The following HTR1D variants were observed in gnomAD, a reference collection of about 807,000 sequenced individuals.
HTR1D encodes 5-HT-1D.
Under a neutral mutation model 21.1 loss-of-function variants are expected in HTR1D, and 18 were observed. That is an observed-to-expected ratio of 0.85 (90% CI 0.59 to 1.27). The LOEUF is 1.27. Among genes scored for constraint, HTR1D ranks in the 50% most tolerant of loss-of-function variants. The pLI is 0.00. For synonymous variants in HTR1D, 196 were observed against 204.4 expected (o/e 0.96, Z 0.35); for missense variants, 456 against 481.4 (o/e 0.95, Z 0.49).
Position 23,193,552 on chromosome 1 carries a change from GC to G in HTR1D, c.667del (p.Ala223LeufsTer7), listed in dbSNP as rs1644670429. 2 of 1,613,952 alleles carry G rather than the reference GC, an allele frequency of 1.2e-6. No homozygotes were observed. The highest frequency in any genetic ancestry group is 2.7e-5 in the African/African-American group (2 of 74,948). On this transcript the variant is annotated frameshift_variant, in exon 2 of 2. Coordinates refer to ENST00000374619, the MANE Select transcript of HTR1D (RefSeq NM_000864.5). LOFTEE classifies it high-confidence loss of function. Reference sequence around the variant, plus strand: ...TGGATTCAGGATGCGGTTCCGGGCAGCCCGGTAGATCCGGCCATATAGGATG... The same window carrying G: ...TGGATTCAGGATGCGGTTCCGGGCAGCCGGTAGATCCGGCCATATAGGATG... The part of the protein sequence containing the change: ...LIILYGRIYR[A>X]ARNRILNPPS...
Position 23,217,248 on chromosome 1 carries a change from C to T in HTR1D, c.-783+43G>A, listed in dbSNP as rs1031816609. 2.0e-5 allele frequency among the ~76,000 whole-genome samples: 3 copies of T among 151,814 alleles called. No individual in the cohort carries two copies. The South Asian group carries it at 6.2e-4, about 31-fold the overall frequency. On this transcript the variant is annotated intron_variant, in intron 1 of 1. Transcript: ENST00000374619. The surrounding 1 kb of genome is among the most constrained non-coding windows in gnomAD (Gnocchi z 4.6). ...GCTCCCGGCCTCAGTTCCCCGCGGA[C>T]GGCCGCTGGGGCCAGGCTGCAGACG... is the stretch of plus-strand genomic sequence containing the variant.
At chr1:23,211,312 G>A (rs151277105) in intron 1 of HTR1D, among the ~76,000 whole-genome samples, 1 of 152,162 alleles carries the variant, frequency 6.6e-6, no homozygotes, top group African/African-American at 2.4e-5. Flanking sequence ...CTGGGGAAAT[G>A]ATCCTGCAAT....
At position 23,204,250 on chromosome 1, in the gene HTR1D, C is replaced by T. The variant is rs377667137; in HGVS notation, c.-782-9249G>A. 1.2e-3 allele frequency among the ~76,000 whole-genome samples: 178 copies of T among 152,220 alleles called. 2 individuals carry two copies. The highest frequency in any genetic ancestry group is 4.0e-3 in the African/African-American group (168 of 41,540). On this transcript the variant is annotated intron_variant, in intron 1 of 1. Transcript: ENST00000374619. ...ACGCCATTCTCCTGCCTCAGCCTCC[C>T]GAGTAGCTGGGACTACAGGCACTGG...
At chr1:23,212,497 G>C (rs75239278) in intron 1 of HTR1D, among the ~76,000 whole-genome samples, 20,106 of 152,096 alleles carry the variant, frequency 0.13, 1,654 homozygotes, top group South Asian at 0.32. Flanking sequence ...GCCTCTCTCT[G>C]TGCCAACACA....
At chr1:23,202,979 A>G (rs184798777) in intron 1 of HTR1D, among the ~76,000 whole-genome samples, 1 of 152,038 alleles carries the variant, frequency 6.6e-6, no homozygotes, top group African/African-American at 2.4e-5. Context: ...CAGTGGGGCA[A>G]TCTCGGCTCA....
chr1:23,195,504 T>A (rs188693233), intron 1 of HTR1D, among the ~76,000 whole-genome samples: 22 of 151,976 alleles, frequency 1.4e-4, no homozygotes, highest in Admixed American at 4.6e-4. Flanking sequence ...AGTGACGCAA[T>A]CTCGGCTCAC....
At chr1:23,205,328 G>A (rs947334716) in intron 1 of HTR1D, among the ~76,000 whole-genome samples, 6 of 151,968 alleles carry the variant, frequency 3.9e-5, no homozygotes, top group South Asian at 2.1e-4. Flanking sequence ...AAAATCTGAC[G>A]AATCACCTCT....
intron 1 of HTR1D, among the ~76,000 whole-genome samples, chr1:23,210,822 A>C (rs1290346153): frequency 6.6e-6 from 1 of 152,018 alleles, no homozygotes; most frequent in African/African-American, 2.4e-5. Context: ...TTAGAACTGC[A>C]TCCCCCCTAT....
In HTR1D at chr1:23,194,310, T is replaced by TGGGA; in HGVS notation, c.-92_-91insTCCC. 8.3e-7 allele frequency: 1 copy of TGGGA among 1,199,558 alleles called. No homozygotes were observed. The highest frequency in any genetic ancestry group is 1.2e-6 in the Non-Finnish European group (1 of 839,338). 74.3% of individuals were successfully genotyped at this position (1,199,558 alleles called of 1,614,324 possible). ...CAACAGAGCAAAGTCATCCTTCTGC[T>TGGGA]TCACACTGGTGGGAGCCGTACACCA... On this transcript the variant is annotated 5_prime_UTR_variant, in exon 2 of 2. Transcript: ENST00000374619.
At chr1:23,201,951 G>A (rs183521910) in intron 1 of HTR1D, among the ~76,000 whole-genome samples, 19 of 152,300 alleles carry the variant, frequency 1.2e-4, no homozygotes, top group East Asian at 3.9e-4. Context: ...TGTAAATTGG[G>A]ATAATGACAT....
intron 1 of HTR1D, among the ~76,000 whole-genome samples, chr1:23,215,005 A>G (rs1489820312): frequency 1.3e-5 from 2 of 152,186 alleles, no homozygotes; most frequent in African/African-American, 2.4e-5. Context: ...AGAAAGGAGA[A>G]TGAAGCCGCA....
chr1:23,199,918 C>T (rs1015855346), intron 1 of HTR1D, among the ~76,000 whole-genome samples: 2 of 152,010 alleles, frequency 1.3e-5, no homozygotes, highest in Admixed American at 6.6e-5. Context: ...GTTGGCCAGG[C>T]TGGTGTTGAG....
intron 1 of HTR1D, among the ~76,000 whole-genome samples, chr1:23,207,784 C>T (rs897675869): frequency 3.4e-5 from 4 of 118,656 alleles, no homozygotes; most frequent in Non-Finnish European, 3.4e-5. Flanking sequence ...TTTTTTGAGG[C>T]GGAGTCTTGC....
rs1306119382 is a variant in HTR1D at position 23,193,634 on chromosome 1, A to T, written c.586T>A (p.Ser196Thr). Residue 196 changes from serine to threonine, a missense_variant, in exon 2 of 2, where the codon TCC becomes ACC. Transcript: ENST00000374619. ...CCACAGGTGGAGTAGATGGTGTAGG[A>T]GATCTGAGAGGTGTTCACCAGACAG... ...SDCLVNTSQI[S>T]YTIYSTCGAF... The T allele has an allele frequency of 6.8e-6, 11 of 1,613,854 alleles. No individual in the cohort carries two copies. Among genetic ancestry groups the T allele is most frequent in the African/African-American group, 1.3e-5 (1 of 74,928 alleles).
rs1644679078 is a variant in HTR1D at position 23,194,842 on chromosome 1, A to G, written c.-623T>C. On this transcript the variant is annotated 5_prime_UTR_variant, in exon 2 of 2. It removes an upstream start codon present in the reference 5' UTR. Coordinates refer to ENST00000374619, the MANE Select transcript of HTR1D (RefSeq NM_000864.5). The stretch of plus-strand genomic sequence containing the variant: ...GGTTTTCCCAGGTTCATCTTGACGC[A>G]TCCTGAGCTACTTAACTTCGGTTCC... 1 of 152,816 alleles carries G rather than the reference A, an allele frequency of 6.5e-6. No homozygotes were observed. Among genetic ancestry groups the G allele is most frequent in the Non-Finnish European group, 1.5e-5 (1 of 68,074 alleles). 9.5% of individuals were successfully genotyped at this position (152,816 alleles called of 1,614,324 possible). A position where few individuals can be genotyped will look rare whatever the true frequency, so the allele number is the denominator to read the frequency against.
chr1:23,196,877 C>T (rs1033159377), intron 1 of HTR1D, among the ~76,000 whole-genome samples: 7 of 152,184 alleles, frequency 4.6e-5, no homozygotes, highest in Non-Finnish European at 2.9e-5. Flanking sequence ...TTAAGGCACG[C>T]GTGTATAGCT....
intron 1 of HTR1D, among the ~76,000 whole-genome samples, chr1:23,205,889 C>T (rs1402177530): frequency 6.6e-6 from 1 of 152,068 alleles, no homozygotes; most frequent in Non-Finnish European, 1.5e-5. Flanking sequence ...CTGCCCACAC[C>T]TAACTGTGCC....
At chr1:23,196,798 A>C (rs586589) in intron 1 of HTR1D, among the ~76,000 whole-genome samples, 27,056 of 151,998 alleles carry the variant, frequency 0.18, 2,497 homozygotes, top group East Asian at 0.27. Context: ...GGAAGTGGAA[A>C]AACCAGGTCC....
chr1:23,192,899 C>A lies in HTR1D; in HGVS notation c.*187G>T. ...GTGAAATCTTCAGTCCTGCCCCCCG[C>A]CCCCCACCACCCACAGCTCTTTCAG... On this transcript the variant is annotated 3_prime_UTR_variant, in exon 2 of 2. Transcript: ENST00000374619. 1 of 327,080 alleles carries A rather than the reference C, an allele frequency of 3.1e-6. No homozygotes were observed. Among genetic ancestry groups the A allele is most frequent in the Non-Finnish European group, 5.5e-6 (1 of 182,646 alleles). The allele number at this position is 327,080 out of a possible 1,614,324, so 20.3% of individuals were successfully genotyped here. A position where few individuals can be genotyped will look rare whatever the true frequency, so the allele number is the denominator to read the frequency against.
Sources: gnomAD v4.1 joint callset for allele counts (sites outside exome capture counted in the v4.1 genomes callset) on GRCh38, gnomAD v4.1.1 for gene constraint, Gnocchi (gnomAD v3.1) non-coding constraint, MANE v1.5 for transcripts, NCBI Gene and HGNC (gene_info 2026-07-23, HGNC 2026-07-21) for gene names.